PLAAT3: variants seen among roughly 807,000 people sequenced by gnomAD.
The protein encoded by PLAAT3 is Ca-independent phospholipase A1/2.
In PLAAT3, 21 loss-of-function variants were observed where a neutral mutation model predicts 16.7. The observed-to-expected ratio is 1.26, with a 90% confidence interval of 0.89 to 1.81. The LOEUF is 1.81. PLAAT3 is among the 40% of genes most tolerant of loss of function. The pLI, the probability that PLAAT3 is intolerant of heterozygous loss-of-function variation, is 0.00. For synonymous variants in PLAAT3, 76 were observed against 81.7 expected (o/e 0.93, Z 0.38); for missense variants, 219 against 213.7 (o/e 1.02, Z -0.16).
At chr11:63,613,681 G>A (rs1938750878) in intron 2 of PLAAT3, among the ~76,000 whole-genome samples, 1 of 19,180 alleles carries the variant, frequency 5.2e-5, no homozygotes, top group South Asian at 0.013. Context: ...CCGCTGTCCG[G>A]GTGTGGCTCC....
chr11:63,596,278 T>C (rs1046840669), intron 3 of PLAAT3, among the ~76,000 whole-genome samples: 1 of 145,572 alleles, frequency 6.9e-6, no homozygotes, highest in African/African-American at 2.5e-5. Flanking sequence ...TTGAGTGTGT[T>C]GCATACAAAG....
chr11:63,580,413 TG>T (rs1937772704), intron 4 of PLAAT3, among the ~76,000 whole-genome samples: 1 of 152,232 alleles, frequency 6.6e-6, no homozygotes, highest in African/African-American at 2.4e-5. Context: ...CCCAGCACTT[TG>T]GGAGGCCGAG....
At chr11:63,606,340 C>T (rs1411696952) in intron 2 of PLAAT3, among the ~76,000 whole-genome samples, 1 of 152,064 alleles carries the variant, frequency 6.6e-6, no homozygotes, top group Non-Finnish European at 1.5e-5. Context: ...AATCCCAGCA[C>T]GCTGGGAGGC....
chr11:63,589,079 A>C (rs1335739252), intron 4 of PLAAT3, among the ~76,000 whole-genome samples: 1 of 152,124 alleles, frequency 6.6e-6, no homozygotes, highest in Admixed American at 6.6e-5. Context: ...TGCTAAGAAT[A>C]AACATGCTCT....
chr11:63,593,934 C>T (rs537158146), intron 3 of PLAAT3, among the ~76,000 whole-genome samples: 66 of 152,216 alleles, frequency 4.3e-4, no homozygotes, highest in African/African-American at 1.6e-3. Context: ...AGGAACTGGC[C>T]GTGAGTGGCA....
intron 3 of PLAAT3, among the ~76,000 whole-genome samples, chr11:63,595,326 A>G (rs1463640784): frequency 6.6e-6 from 1 of 151,648 alleles, no homozygotes; most frequent in Non-Finnish European, 1.5e-5. Flanking sequence ...TGTCTATAAC[A>G]GCTCTATTCA....
intron 4 of PLAAT3, among the ~76,000 whole-genome samples, chr11:63,589,491 T>C (rs577277243): frequency 2.7e-4 from 40 of 145,814 alleles, no homozygotes; most frequent in African/African-American, 9.2e-4. Context: ...GAAAAAGAGA[T>C]TGAAAGGAGA....
intron 3 of PLAAT3, among the ~76,000 whole-genome samples, chr11:63,597,379 C>T (rs1274647877): frequency 6.6e-6 from 1 of 151,802 alleles, no homozygotes; most frequent in Non-Finnish European, 1.5e-5. Flanking sequence ...AAAAAATTAG[C>T]CAGGTGTGGT....
intron 2 of PLAAT3, among the ~76,000 whole-genome samples, chr11:63,604,948 T>TC (rs1164945198): frequency 6.6e-6 from 1 of 152,090 alleles, no homozygotes; most frequent in East Asian, 1.9e-4. Flanking sequence ...TAATGGACAT[T>TC]CCCTCTGGTT....
chr11:63,590,354 C>G lies in PLAAT3; in HGVS notation c.133G>C (p.Ala45Pro), dbSNP rs140193495. The change falls in exon 4 of 5, where the codon GCT (alanine) becomes CCT (proline). Residue 45 changes from alanine (A) to proline (P), a missense_variant. Ala to Pro is a conservative substitution (Grantham distance 27). Coordinates refer to ENST00000415826, the MANE Select transcript of PLAAT3 (RefSeq NM_001128203.2). ...GCGGACATGACACTGGCTGCACCAG[C>G]TCCTGCGACCTCACCTGCAGATCCA... ...HLAPPSEVAGAGAASVMSALT... is the reference protein window; with the variant it reads ...HLAPPSEVAGPGAASVMSALT... 8.5e-5 allele frequency: 137 copies of G among 1,614,008 alleles called. 2 individuals carry two copies. In the African/African-American group the frequency reaches 1.4e-3, roughly 17 times the overall value.
At chr11:63,614,838 A>AC (rs1458781731), upstream of PLAAT3, among the ~76,000 whole-genome samples, 1 of 148,360 alleles carries the variant, frequency 6.7e-6, no homozygotes, top group Non-Finnish European at 1.5e-5. Context: ...ACACGATGAA[A>AC]CCCCGTCTCT....
chr11:63,589,731 T>C (rs1938090498), intron 4 of PLAAT3, among the ~76,000 whole-genome samples: 1 of 152,180 alleles, frequency 6.6e-6, no homozygotes. Context: ...AATGAATGGC[T>C]GTAGACAAGT....
rs573367418 is a variant in PLAAT3, at chr11:63,610,601, CTCT to C, written c.15+3396_15+3398del. Reference sequence around the variant, plus strand: ...ACTGCTATTTAAGAAGGGTCCTCTTCTCTTCTTCTCTCCCCTCCCCTTTGCACC... The same window carrying C: ...ACTGCTATTTAAGAAGGGTCCTCTTCTCTTCTCTCCCCTCCCCTTTGCACC... On this transcript the variant is annotated intron_variant, in intron 2 of 4. Coordinates refer to ENST00000415826, the MANE Select transcript of PLAAT3 (RefSeq NM_001128203.2). 2.2e-3 allele frequency among the ~76,000 whole-genome samples: 338 copies of C among 152,320 alleles called. 2 individuals are homozygous for C. Among genetic ancestry groups the C allele is most frequent in the African/African-American group, 8.0e-3 (331 of 41,574 alleles).
At chr11:63,605,672 C>A (rs1938536757) in intron 2 of PLAAT3, among the ~76,000 whole-genome samples, 1 of 151,912 alleles carries the variant, frequency 6.6e-6, no homozygotes, top group Non-Finnish European at 1.5e-5. Flanking sequence ...CCTGCCTCAG[C>A]CTCCCGAGTA....
At chr11:63,581,293 C>G (rs1394692053) in intron 4 of PLAAT3, among the ~76,000 whole-genome samples, 1 of 152,200 alleles carries the variant, frequency 6.6e-6, no homozygotes, top group Non-Finnish European at 1.5e-5. Context: ...TGCAGAAAGC[C>G]TATAGACAGA....
intron 3 of PLAAT3, among the ~76,000 whole-genome samples, chr11:63,597,332 G>A (rs1938314589): frequency 6.6e-6 from 1 of 152,032 alleles, no homozygotes; most frequent in Non-Finnish European, 1.5e-5. Context: ...AGACCATCCT[G>A]GCTAACACGG....
At chr11:63,579,250 T>C (rs1329098503) in intron 4 of PLAAT3, among the ~76,000 whole-genome samples, 3 of 152,146 alleles carry the variant, frequency 2.0e-5, no homozygotes, top group African/African-American at 7.2e-5. Context: ...TATGGAGAAA[T>C]AGGAACACTT....
At chr11:63,581,976 T>G (rs1937829972) in intron 4 of PLAAT3, among the ~76,000 whole-genome samples, 1 of 152,252 alleles carries the variant, frequency 6.6e-6, no homozygotes, top group Non-Finnish European at 1.5e-5. Context: ...TGCTTTGATT[T>G]TAGCCCAGTG....
chr11:63,576,531 A>G (rs1039691492), intron 4 of PLAAT3, among the ~76,000 whole-genome samples: 6 of 152,198 alleles, frequency 3.9e-5, no homozygotes, highest in African/African-American at 1.4e-4. Flanking sequence ...TGAGGCAGAA[A>G]AAAATCACTT....
Sources: allele counts gnomAD v4.1 joint callset (sites outside exome capture counted in the v4.1 genomes callset), GRCh38; gene constraint gnomAD v4.1.1; transcripts MANE v1.5; gene names NCBI Gene and HGNC (gene_info 2026-07-23, HGNC 2026-07-21).